ERCC2: variants seen among roughly 807,000 people sequenced by gnomAD.
ERCC2 encodes general transcription and DNA repair factor IIH helicase subunit XPD.
A neutral mutation model predicts 99.4 loss-of-function variants in ERCC2; 90 were observed. That is an observed-to-expected ratio of 0.91 (90% CI 0.76 to 1.08). ERCC2 has a LOEUF of 1.08. ERCC2 is among the 50% of genes least tolerant of loss of function. The pLI is 0.00. For synonymous variants in ERCC2, 497 were observed against 432.4 expected (o/e 1.15, Z -1.85); for missense variants, 993 against 1,038.1 (o/e 0.96, Z 0.60).
At chr19:45,370,099 T>C in intron 2 of ERCC2, 34 bp downstream of exon 2, 1 of 1,607,828 alleles carries the variant, frequency 6.2e-7, no homozygotes, top group Non-Finnish European at 8.5e-7. Flanking sequence ...GCCCCACCGG[T>C]CGAGTGGGCG....
chr19:45,352,135 G>C (rs1485416133), intron 22 of ERCC2, 74 bp downstream of exon 22: 2 of 1,528,804 alleles, frequency 1.3e-6, no homozygotes, highest in Admixed American at 1.8e-5. Context: ...GTGGGGAGTG[G>C]GGAGAATCCA....
At position 45,364,068 on chromosome 19, in the gene ERCC2, C is replaced by T. The variant is rs1162349481; in HGVS notation, c.867G>A (p.Val289=). Residue 289 remains valine, a synonymous_variant, in exon 10 of 23, where the codon GTG becomes GTA. Coordinates refer to ENST00000391945, the MANE Select transcript of ERCC2 (RefSeq NM_000400.4). The part of the protein sequence containing the change: ...QRLRDEYRRL[V]EGLREASAAR... The stretch of plus-strand genomic sequence containing the variant: ...CGGCGCTGGCCTCCCGCAGCCCCTC[C>T]ACCAGACGCCGGTACTCGTCCCGCA... 2.5e-5 allele frequency: 40 copies of T among 1,586,822 alleles called. No individual in the cohort carries two copies. The highest frequency in any genetic ancestry group is 5.4e-5 in the Admixed American group (3 of 55,952).
intron 22 of ERCC2, 139 bp downstream of exon 22, chr19:45,352,070 G>T: frequency 9.7e-7 from 1 of 1,030,486 alleles, no homozygotes; most frequent in Non-Finnish European, 1.4e-6. Flanking sequence ...AGCCTGGCAC[G>T]TAGATGCACG....
chr19:45,351,609 T>C lies in ERCC2; in HGVS notation c.*20A>G. The C allele has an allele frequency of 6.2e-7, 1 of 1,613,448 alleles. No homozygotes were observed. Among genetic ancestry groups the C allele is most frequent in the East Asian group, 2.2e-5 (1 of 44,882 alleles). On this transcript the variant is annotated 3_prime_UTR_variant, in exon 23 of 23. Coordinates refer to ENST00000391945, the MANE Select transcript of ERCC2 (RefSeq NM_000400.4). The stretch of plus-strand genomic sequence containing the variant: ...GACTCAGGAGTCACCAGGAACCGTT[T>C]ATGGCCCCACCCGCCCCACTCAGAG...
intron 12 of ERCC2, among the ~76,000 whole-genome samples, chr19:45,360,554 T>C (rs187073335): frequency 6.6e-6 from 1 of 152,048 alleles, no homozygotes; most frequent in East Asian, 2.0e-4. Flanking sequence ...ATTGTTGTAT[T>C]TTTAGTAGAG....
intron 22 of ERCC2, 114 bp from the exon 23 acceptor site, chr19:45,351,835 G>A (rs902386868): frequency 1.1e-5 from 10 of 911,754 alleles, no homozygotes; most frequent in Non-Finnish European, 1.7e-5. Flanking sequence ...ATGTTTGAAT[G>A]AATTTGGAGA....
At chr19:45,354,996 C>A in intron 16 of ERCC2, 145 bp from the exon 17 acceptor site, 1 of 1,034,592 alleles carries the variant, frequency 9.7e-7, no homozygotes, top group South Asian at 1.3e-5. Context: ...CCGGGCGTGT[C>A]TGAGGACCCG....
rs571550816 is a variant in ERCC2 at position 45,367,350 on chromosome 19, C to T, written c.360+1280G>A. Among the ~76,000 whole-genome samples, 12 of 108,750 alleles carry T rather than the reference C, an allele frequency of 1.1e-4. No individual in the cohort carries two copies. The South Asian group carries it at 3.8e-3, about 35-fold the overall frequency. The allele number at this position is 108,750 out of a possible 152,430, so 71.3% of individuals were successfully genotyped here. Reference sequence around the variant, plus strand: ...ACTCCGTCTCAAAAACAAAACAAAACAAAAATATATATATATATACACACA... The same window carrying T: ...ACTCCGTCTCAAAAACAAAACAAAATAAAAATATATATATATATACACACA... On this transcript the variant is annotated intron_variant, in intron 5 of 22. Transcript: ENST00000391945.
In ERCC2 at chr19:45,352,493, C is replaced by T; in HGVS notation, c.2046+13G>A. On this transcript the variant is annotated intron_variant, in intron 21 of 22. Coordinates refer to ENST00000391945, the MANE Select transcript of ERCC2 (RefSeq NM_000400.4). Reference sequence around the variant, plus strand: ...CCTGGGATGGGAGCACAGGGGCACCCCTGAAGCTGCACCTTGTCGGCAAAG... The same window carrying T: ...CCTGGGATGGGAGCACAGGGGCACCTCTGAAGCTGCACCTTGTCGGCAAAG... 1 of 1,614,146 alleles carries T rather than the reference C, an allele frequency of 6.2e-7. No homozygotes were observed. Among genetic ancestry groups the T allele is most frequent in the Admixed American group, 1.7e-5 (1 of 60,014 alleles).
In ERCC2 at chr19:45,350,852, C is replaced by T; in HGVS notation, c.*777G>A. The T allele has an allele frequency of 7.8e-7, 1 of 1,285,366 alleles. No individual in the cohort carries two copies. Among genetic ancestry groups the T allele is most frequent in the Non-Finnish European group, 1.1e-6 (1 of 907,092 alleles). 79.6% of individuals were successfully genotyped at this position (1,285,366 alleles called of 1,614,324 possible). A position where few individuals can be genotyped will look rare whatever the true frequency, so the allele number is the denominator to read the frequency against. On this transcript the variant is annotated 3_prime_UTR_variant, in exon 23 of 23. Coordinates refer to ENST00000391945, the MANE Select transcript of ERCC2 (RefSeq NM_000400.4). Reference sequence around the variant, plus strand: ...CAAGAACCTTCCATGGCTCCCATCTCCCCTGTGATACACACAGATCAAACC... The same window carrying T: ...CAAGAACCTTCCATGGCTCCCATCTTCCCTGTGATACACACAGATCAAACC...
Position 45,351,223 on chromosome 19 carries a change from G to A in ERCC2, c.*406C>T, listed in dbSNP as rs746628639. ...TGGCTGCCAGGCTGGACCTGGAGCT[G>A]GAGGGTGGATGTAACACTTGCCCCT... On this transcript the variant is annotated 3_prime_UTR_variant, in exon 23 of 23. Coordinates refer to ENST00000391945, the MANE Select transcript of ERCC2 (RefSeq NM_000400.4). 2.5e-6 allele frequency: 4 copies of A among 1,591,670 alleles called. No homozygotes were observed. Among genetic ancestry groups the A allele is most frequent in the East Asian group, 4.5e-5 (2 of 44,686 alleles).
chr19:45,363,976 C>A lies in ERCC2; in HGVS notation c.949+10G>T. 1 of 1,538,360 alleles carries A rather than the reference C, an allele frequency of 6.5e-7. No individual in the cohort carries two copies. The highest frequency in any genetic ancestry group is 8.7e-7 in the Non-Finnish European group (1 of 1,146,636). On this transcript the variant is annotated intron_variant, in intron 10 of 22. Coordinates refer to ENST00000391945, the MANE Select transcript of ERCC2 (RefSeq NM_000400.4). ...AAGGGACTGGGGGGCAGCGGGGGGT[C>A]GGGGCTCACCCTGCAGCACTTCGTC...
In ERCC2 at chr19:45,349,964, T is replaced by G; in HGVS notation, c.*1665A>C. ...CGCTCCACTTTGCGTGTGGGAAGAC[T>G]GAGGCACCGAGGCCATGCCACCAGC... On this transcript the variant is annotated 3_prime_UTR_variant, in exon 23 of 23. Transcript: ENST00000391945. 1 of 413,808 alleles carries G rather than the reference T, an allele frequency of 2.4e-6. No homozygotes were observed. The highest frequency in any genetic ancestry group is 4.4e-6 in the Non-Finnish European group (1 of 229,416). The allele number at this position is 413,808 out of a possible 1,614,324, so 25.6% of individuals were successfully genotyped here.
intron 22 of ERCC2, 31 bp from the exon 23 acceptor site, chr19:45,351,752 G>A (rs368712921): frequency 6.9e-6 from 11 of 1,597,326 alleles, no homozygotes; most frequent in East Asian, 2.2e-5. Context: ...GGAGAGGGGG[G>A]CACTGTTGGG....
rs1371626446 is a variant in ERCC2, at chr19:45,350,575, T to G, written c.*1054A>C. The G allele has an allele frequency of 1.2e-6, 2 of 1,613,454 alleles. No homozygotes were observed. The highest frequency in any genetic ancestry group is 2.7e-5 in the African/African-American group (2 of 74,718). ...AGGTGAGGATGGGCTGTGCTTCGGC[T>G]CCTGGGGTGGGCGTGGGGACTGCAT... On this transcript the variant is annotated 3_prime_UTR_variant, in exon 23 of 23. Transcript: ENST00000391945.
At position 45,350,259 on chromosome 19, in the gene ERCC2, CAAA is replaced by C. The variant is rs61513187; in HGVS notation, c.*1367_*1369del. On this transcript the variant is annotated 3_prime_UTR_variant, in exon 23 of 23. Transcript: ENST00000391945. ...CAACATACCAAGACCCCTGTCTCTACAAAAAAAAAAAAAAAGGCGGGACTGGAT... is the reference window on the plus strand; with the variant it reads ...CAACATACCAAGACCCCTGTCTCTACAAAAAAAAAAAAGGCGGGACTGGAT... 3.3e-3 allele frequency: 2,904 copies of C among 867,114 alleles called. No individual in the cohort carries two copies. Among genetic ancestry groups the C allele is most frequent in the South Asian group, 3.8e-3 (226 of 59,094 alleles). The allele number at this position is 867,114 out of a possible 1,614,324, so 53.7% of individuals were successfully genotyped here. A position where few individuals can be genotyped will look rare whatever the true frequency, so the allele number is the denominator to read the frequency against.
At chr19:45,364,148 G>A (rs2123288884) in intron 9 of ERCC2, 29 bp from the exon 10 acceptor site, 1 of 1,611,836 alleles carries the variant, frequency 6.2e-7, no homozygotes, top group Non-Finnish European at 8.5e-7. Context: ...GGGCTGGGAG[G>A]GGGCTGGCAA....
In ERCC2 at chr19:45,369,106, T is replaced by A. The variant is rs147826890; in HGVS notation, c.147A>T (p.Thr49=). 1 of 1,614,050 alleles carries A rather than the reference T, an allele frequency of 6.2e-7. No individual in the cohort carries two copies. The highest frequency in any genetic ancestry group is 1.3e-5 in the African/African-American group (1 of 74,924). The change falls in exon 3 of 23, where the codon ACA becomes ACT. Residue 49 remains threonine (T), a synonymous_variant. Coordinates refer to ENST00000391945, the MANE Select transcript of ERCC2 (RefSeq NM_000400.4). ...VLEMPSGTGK[T]VSLLALIMAY... is the part of the protein sequence containing the mutation. Reference sequence around the variant, plus strand: ...CCATGATCAGGGCCAACAGGGATACTGTCTTCCCGGTGCCTGAGGGCATCT... The same window carrying A: ...CCATGATCAGGGCCAACAGGGATACAGTCTTCCCGGTGCCTGAGGGCATCT...
At position 45,351,688 on chromosome 19, in the gene ERCC2, C is replaced by CCAGGCTGAG; in HGVS notation, c.2215_2223dup (p.Leu739_Leu741dup). 6.2e-7 allele frequency: 1 copy of CCAGGCTGAG among 1,613,928 alleles called. No homozygotes were observed. Among genetic ancestry groups the CCAGGCTGAG allele is most frequent in the African/African-American group, 1.3e-5 (1 of 75,030 alleles). On this transcript the variant is annotated inframe_insertion, in exon 23 of 23. Coordinates refer to ENST00000391945, the MANE Select transcript of ERCC2 (RefSeq NM_000400.4). ...AGCGTCTCCTCTGATTCTAGCTGCT[C>CCAGGCTGAG]CAGGCTGAGCAGGGACAGGCCCAGC...
Sources: allele counts gnomAD v4.1 joint callset (sites outside exome capture counted in the v4.1 genomes callset), GRCh38; gene constraint gnomAD v4.1.1; transcripts MANE v1.5; gene names NCBI Gene and HGNC (gene_info 2026-07-23, HGNC 2026-07-21).